Variants in LRBA observed in about 807,000 individuals in gnomAD.
LRBA encodes lipopolysaccharide-responsive and beige-like anchor protein.
In LRBA, 176 loss-of-function variants were observed where a neutral mutation model predicts 330.0. The observed-to-expected ratio is 0.53, with a 90% CI of 0.47 to 0.60. The LOEUF (loss-of-function observed/expected upper bound fraction) is 0.60. Among genes scored for constraint, LRBA ranks in the 20% least tolerant of loss-of-function variants. The pLI, the probability that LRBA is intolerant of heterozygous loss-of-function variation, is 0.00. For missense variants in LRBA, 3,259 were observed against 3,444.8 expected (o/e 0.95, Z 1.35); for synonymous variants, 1,230 against 1,193.0 (o/e 1.03, Z -0.64).
At chr4:150,908,106 T>C (rs1295366810) in intron 11 of LRBA, among the ~76,000 whole-genome samples, 3 of 152,194 alleles carry the variant, frequency 2.0e-5, no homozygotes, top group Non-Finnish European at 4.4e-5. Flanking sequence ...TTTATAATGT[T>C]ATTCTAAAAC....
At chr4:150,416,168 C>A (rs1294731940) in intron 46 of LRBA, among the ~76,000 whole-genome samples, 2 of 152,174 alleles carry the variant, frequency 1.3e-5, no homozygotes, top group African/African-American at 4.8e-5. Flanking sequence ...GCATGAGAAA[C>A]TGAGTAAATT....
intron 47 of LRBA, among the ~76,000 whole-genome samples, chr4:150,387,488 C>T (rs1044831938): frequency 1.3e-5 from 2 of 151,822 alleles, no homozygotes; most frequent in Admixed American, 6.6e-5. Flanking sequence ...TTAAATAAAC[C>T]CTGTTGGCCT....
intron 31 of LRBA, among the ~76,000 whole-genome samples, chr4:150,813,550 G>T (rs1296931265): frequency 6.6e-6 from 1 of 151,958 alleles, no homozygotes; most frequent in African/African-American, 2.4e-5. Context: ...ATTTTTATGG[G>T]TTATAAAATT....
At chr4:150,756,821 C>G (rs149264806) in intron 35 of LRBA, among the ~76,000 whole-genome samples, 1 of 152,014 alleles carries the variant, frequency 6.6e-6, no homozygotes, top group Non-Finnish European at 1.5e-5. Context: ...TAAAAGGTGG[C>G]TTTAATATTC....
chr4:150,731,657 CAGAG>C (rs1250457349), intron 36 of LRBA, among the ~76,000 whole-genome samples: 1 of 152,060 alleles, frequency 6.6e-6, no homozygotes, highest in Non-Finnish European at 1.5e-5. Context: ...CAGTTTTACT[CAGAG>C]AGACAGTAGA....
intron 47 of LRBA, among the ~76,000 whole-genome samples, chr4:150,351,978 C>CTGAT (rs1226568310): frequency 6.6e-6 from 1 of 152,168 alleles, no homozygotes; most frequent in Non-Finnish European, 1.5e-5. Context: ...CTCAAAGTAT[C>CTGAT]TGATTGTACT....
chr4:150,625,299 C>G (rs1452876831), intron 37 of LRBA, among the ~76,000 whole-genome samples: 2 of 152,086 alleles, frequency 1.3e-5, no homozygotes, highest in African/African-American at 4.8e-5. Context: ...TACAAGTGAC[C>G]AGAGTGGAGG....
At chr4:150,914,435 T>A in intron 8 of LRBA, 94 bp from the exon 9 acceptor site, 1 of 830,668 alleles carries the variant, frequency 1.2e-6, no homozygotes, top group Non-Finnish European at 1.8e-6. Flanking sequence ...TTGTCCATTC[T>A]AAACTGTATC....
intron 46 of LRBA, among the ~76,000 whole-genome samples, chr4:150,430,550 T>C (rs1019398499): frequency 8.5e-5 from 13 of 152,134 alleles, no homozygotes; most frequent in Non-Finnish European, 1.8e-4. Context: ...TCTCCTCTAG[T>C]GCAAAAGCCC....
chr4:150,477,964 C>A (rs565199199), intron 42 of LRBA, among the ~76,000 whole-genome samples: 2 of 152,196 alleles, frequency 1.3e-5, no homozygotes, highest in African/African-American at 4.8e-5. Flanking sequence ...AAGACTAATA[C>A]ACTTGGCATC....
At chr4:150,496,458 C>T (rs939291768) in intron 40 of LRBA, among the ~76,000 whole-genome samples, 6 of 151,712 alleles carry the variant, frequency 4.0e-5, no homozygotes, top group African/African-American at 1.2e-4. Context: ...AAAGCCAATC[C>T]TTTAAGTGAA....
At chr4:150,983,151 A>G (rs561882498) in intron 2 of LRBA, among the ~76,000 whole-genome samples, 5 of 152,312 alleles carry the variant, frequency 3.3e-5, no homozygotes, top group Admixed American at 3.3e-4. Context: ...AAAATTAAAT[A>G]AGAGATTAGA....
chr4:150,859,464 A>C (rs1317556249), intron 22 of LRBA, among the ~76,000 whole-genome samples: 1 of 152,156 alleles, frequency 6.6e-6, no homozygotes, highest in African/African-American at 2.4e-5. Context: ...GTTCAATTTG[A>C]AGCCAAAAAC....
intron 37 of LRBA, among the ~76,000 whole-genome samples, chr4:150,673,095 A>G (rs985584123): frequency 3.3e-5 from 5 of 152,206 alleles, no homozygotes; most frequent in African/African-American, 1.2e-4. Context: ...AAATCATTTA[A>G]GTTCTCCACA....
chr4:150,513,307 C>G (rs1482200516), intron 40 of LRBA, among the ~76,000 whole-genome samples: 1 of 152,164 alleles, frequency 6.6e-6, no homozygotes, highest in African/African-American at 2.4e-5. Flanking sequence ...GAGACAGTAT[C>G]TCAGTTTACA....
intron 34 of LRBA, among the ~76,000 whole-genome samples, chr4:150,777,017 C>G (rs1174774220): frequency 6.6e-6 from 1 of 151,826 alleles, no homozygotes; most frequent in African/African-American, 2.4e-5. Flanking sequence ...GTATTATAAG[C>G]TAACTATTAA....
chr4:150,412,884 CAT>C (rs993447723), intron 47 of LRBA, among the ~76,000 whole-genome samples: 18 of 150,588 alleles, frequency 1.2e-4, no homozygotes, highest in African/African-American at 4.1e-4. Context: ...TTAGTTAAAA[CAT>C]TTTTTAAATC....
chr4:150,585,885 C>T (rs1470817039), intron 40 of LRBA, among the ~76,000 whole-genome samples: 1 of 152,134 alleles, frequency 6.6e-6, no homozygotes, highest in Non-Finnish European at 1.5e-5. Context: ...AAGAAAGCCA[C>T]TCAGGGGTCT....
intron 40 of LRBA, among the ~76,000 whole-genome samples, chr4:150,540,094 A>G (rs1765153108): frequency 6.6e-6 from 1 of 152,240 alleles, no homozygotes; most frequent in Non-Finnish European, 1.5e-5. Context: ...AATAAAGAAT[A>G]TCACAAAATA....
Sources: allele counts gnomAD v4.1 joint callset (sites outside exome capture counted in the v4.1 genomes callset), GRCh38; gene constraint gnomAD v4.1.1; transcripts MANE v1.5; gene names NCBI Gene and HGNC (gene_info 2026-07-23, HGNC 2026-07-21).